CPXM2: variants seen among roughly 807,000 people sequenced by gnomAD.
CPXM2 encodes the protein carboxypeptidase X, M14 family member 2.
CPXM2 carries 66 observed loss-of-function variants against 86.1 expected under a neutral mutation model. The observed-to-expected ratio is 0.77, with a 90% confidence interval of 0.63 to 0.94. The LOEUF is 0.94. CPXM2 is among the 40% of genes least tolerant of loss of function. The pLI is 0.00. For synonymous variants in CPXM2, 388 were observed against 400.2 expected, an observed-to-expected ratio of 0.97 and a Z score of 0.36; for missense variants, 948 against 1,026.3, an observed-to-expected ratio of 0.92 and a Z score of 1.04.
At chr10:123,869,460 T>A (rs1175863041) in intron 2 of CPXM2, among the ~76,000 whole-genome samples, 1 of 152,210 alleles carries the variant, frequency 6.6e-6, no homozygotes, top group Non-Finnish European at 1.5e-5. Context: ...CAGAAAAAAG[T>A]GTGAAAACAC....
At chr10:123,762,199 T>C (rs779526961) in intron 10 of CPXM2, 30 bp from the exon 11 acceptor site, 1 of 1,613,880 alleles carries the variant, frequency 6.2e-7, no homozygotes, top group African/African-American at 1.3e-5. Context: ...ACGAGTAAAA[T>C]AAGCAGGAAG....
intron 4 of CPXM2, among the ~76,000 whole-genome samples, chr10:123,820,762 A>G (rs916366232): frequency 2.6e-5 from 4 of 152,118 alleles, no homozygotes; most frequent in Non-Finnish European, 5.9e-5. Flanking sequence ...TCCATCTTCA[A>G]AGCCAGCAAC....
At chr10:123,837,163 C>G (rs1392718033) in intron 4 of CPXM2, among the ~76,000 whole-genome samples, 2 of 152,360 alleles carry the variant, frequency 1.3e-5, no homozygotes, top group East Asian at 1.9e-4. Context: ...GGAACTCCTG[C>G]TAAGACTTTC....
chr10:123,932,049 G>A (rs1370472938), intron 2 of CPXM2, among the ~76,000 whole-genome samples: 1 of 152,166 alleles, frequency 6.6e-6, no homozygotes, highest in African/African-American at 2.4e-5. Flanking sequence ...TGTTGATTAA[G>A]TTAGGGAATA....
At chr10:123,762,333 A>G (rs1388050773) in intron 10 of CPXM2, among the ~76,000 whole-genome samples, 164 bp from the exon 11 acceptor site, 11 of 152,242 alleles carry the variant, frequency 7.2e-5, no homozygotes. Flanking sequence ...AGACTTAGAA[A>G]GACTCATAAA....
chr10:123,793,929 T>A (rs896177303), intron 6 of CPXM2, among the ~76,000 whole-genome samples: 1 of 152,256 alleles, frequency 6.6e-6, no homozygotes, highest in Non-Finnish European at 1.5e-5. Flanking sequence ...CTCCAATTTG[T>A]TCATCTCCAT....
intron 10 of CPXM2, among the ~76,000 whole-genome samples, chr10:123,764,830 T>C (rs1195321092): frequency 2.0e-5 from 3 of 150,978 alleles, no homozygotes; most frequent in African/African-American, 7.2e-5. Context: ...ATTTGCTAAC[T>C]TCTTAAGTTA....
chr10:123,792,790 G>T (rs1196006688), intron 6 of CPXM2, among the ~76,000 whole-genome samples: 1 of 152,122 alleles, frequency 6.6e-6, no homozygotes, highest in South Asian at 2.1e-4. Context: ...GCATCAGAAG[G>T]TCTGTTATCC....
intron 6 of CPXM2, among the ~76,000 whole-genome samples, chr10:123,793,840 T>C (rs1043599588): frequency 1.3e-5 from 2 of 151,884 alleles, no homozygotes; most frequent in Admixed American, 6.6e-5. Context: ...CAAGCAAAAA[T>C]GGAAGGGAGC....
chr10:123,838,651 T>C (rs1848323386), intron 4 of CPXM2, among the ~76,000 whole-genome samples: 1 of 152,140 alleles, frequency 6.6e-6, no homozygotes, highest in Non-Finnish European at 1.5e-5. Context: ...TTCTAAAACA[T>C]CACTAACCAA....
At chr10:123,902,797 C>CA (rs1293787965) in intron 2 of CPXM2, among the ~76,000 whole-genome samples, 4 of 152,298 alleles carry the variant, frequency 2.6e-5, no homozygotes, top group Middle Eastern at 6.8e-3. Flanking sequence ...CACAAACATT[C>CA]AGACCGCGAC....
rs142296471 is a variant in CPXM2 at position 123,858,300 on chromosome 10, C to T, written c.513+4314G>A. ...TGTTGATTCAGCGCATCCATATGTG[C>T]AGACACCGCGCTCACACAGGGTGGG... On this transcript the variant is annotated intron_variant, in intron 3 of 13. Transcript: ENST00000241305. Among the ~76,000 whole-genome samples the T allele has an allele frequency of 3.9e-3, 596 of 152,344 alleles. 2 individuals are homozygous for T. Among genetic ancestry groups the T allele is most frequent in the Middle Eastern group, 6.8e-3 (2 of 294 alleles).
chr10:123,929,300 G>A (rs77155783), intron 2 of CPXM2, among the ~76,000 whole-genome samples: 9,860 of 152,282 alleles, frequency 0.065, 688 homozygotes, highest in East Asian at 0.37. Context: ...GCCAGACCCC[G>A]GGCCCATGGG....
At chr10:123,872,462 T>C (rs1944910633) in intron 2 of CPXM2, among the ~76,000 whole-genome samples, 1 of 152,148 alleles carries the variant, frequency 6.6e-6, no homozygotes, top group African/African-American at 2.4e-5. Flanking sequence ...GAATATTAAG[T>C]TCAAAACAGG....
At chr10:123,884,748 T>TTC (rs1345432371) in intron 1 of CPXM2, among the ~76,000 whole-genome samples, 2 of 152,058 alleles carry the variant, frequency 1.3e-5, no homozygotes, top group Non-Finnish European at 2.9e-5. Context: ...CTGTCTCTCT[T>TTC]TCTCTCTCTC....
intron 4 of CPXM2, among the ~76,000 whole-genome samples, chr10:123,814,981 C>T (rs1222436816): frequency 1.3e-5 from 2 of 152,128 alleles, no homozygotes; most frequent in African/African-American, 4.8e-5. Flanking sequence ...TCCAAGATTG[C>T]ACCACTGCAC....
chr10:123,867,677 C>T (rs539404367), intron 2 of CPXM2, among the ~76,000 whole-genome samples: 4 of 151,966 alleles, frequency 2.6e-5, no homozygotes, highest in Non-Finnish European at 4.4e-5. Flanking sequence ...GGATTATAGG[C>T]GCCTGCAACC....
chr10:123,787,204 GCAGA>G (rs1014856274), intron 6 of CPXM2, among the ~76,000 whole-genome samples: 1 of 152,116 alleles, frequency 6.6e-6, no homozygotes, highest in Admixed American at 6.5e-5. Context: ...AGATGACAGT[GCAGA>G]CAGAGATGGA....
chr10:123,761,963 C>A lies in CPXM2; in HGVS notation c.1686G>T (p.Met562Ile). The A allele has an allele frequency of 1.2e-6, 2 of 1,613,878 alleles. No individual in the cohort carries two copies. ...GGCACACCCTCCTCCGGGCGTCTGT[C>A]ATGAGGCGGTGTGTGGAGGCATAGG... The part of the protein sequence containing the change: ...AYSYASTHRL[M>I]TDARRRVCHT... Residue 562 changes from methionine (M) to isoleucine (I), a missense_variant, in exon 11 of 14, where the codon ATG becomes ATT. Coordinates refer to ENST00000241305, the MANE Select transcript of CPXM2 (RefSeq NM_198148.3).
Sources: gnomAD v4.1 joint callset for allele counts (sites outside exome capture counted in the v4.1 genomes callset) on GRCh38, gnomAD v4.1.1 for gene constraint, MANE v1.5 for transcripts, NCBI Gene and HGNC (gene_info 2026-07-23, HGNC 2026-07-21) for gene names.